The following NDEL1 variants were observed in gnomAD, a reference collection of about 807,000 sequenced individuals.
The protein encoded by NDEL1 is nuclear distribution protein nudE-like 1.
NDEL1 carries 9 observed loss-of-function variants against 45.7 expected under a neutral mutation model. The ratio of observed to expected loss-of-function variants is 0.20; its 90% CI spans 0.12 to 0.34. The LOEUF is 0.34. NDEL1 is among the 10% of genes least tolerant of loss of function. NDEL1 has a pLI of 1.00. For missense variants in NDEL1, 306 were observed against 406.2 expected (o/e 0.75, Z 2.12); for synonymous variants, 133 against 158.6 (o/e 0.84, Z 1.21).
chr17:8,442,740 T>TC (rs1182921244), intron 1 of NDEL1, among the ~76,000 whole-genome samples: 1 of 148,878 alleles, frequency 6.7e-6, no homozygotes, highest in African/African-American at 2.5e-5. Flanking sequence ...CTAGATAAAC[T>TC]CCAAGTTCTA....
upstream of NDEL1, chr17:8,435,872 G>C (rs974280032): frequency 1.6e-5 from 7 of 446,936 alleles, no homozygotes; most frequent in African/African-American, 8.3e-5. Context: ...GAATGGCCTC[G>C]GACACCCAGG....
chr17:8,421,449 A>G (rs1908704537), intron 1 of NDEL1, among the ~76,000 whole-genome samples: 1 of 152,178 alleles, frequency 6.6e-6, no homozygotes, highest in African/African-American at 2.4e-5. Context: ...CAATATGATG[A>G]TGGAAGCAGC....
In NDEL1 at chr17:8,444,367, G is replaced by C. The variant is rs763880491; in HGVS notation, c.86+10G>C. On this transcript the variant is annotated intron_variant, in intron 2 of 8. Coordinates refer to ENST00000334527, the MANE Select transcript of NDEL1 (RefSeq NM_030808.5). ...TGAAGTATAAGCAAAGGTAATGTTG[G>C]AAAGCACACTAAAAGTAGGGGAGGG... The C allele has an allele frequency of 6.3e-7, 1 of 1,592,758 alleles. No individual in the cohort carries two copies. Among genetic ancestry groups the C allele is most frequent in the African/African-American group, 1.3e-5 (1 of 74,360 alleles).
At chr17:8,436,792 C>T (rs1909376086) in intron 1 of NDEL1, 1 of 152,174 alleles carries the variant, frequency 6.6e-6, no homozygotes, top group Non-Finnish European at 1.5e-5. Context: ...AACCGCATCA[C>T]CTTGTGGTTG....
upstream of NDEL1, among the ~76,000 whole-genome samples, chr17:8,433,730 G>A (rs1175321310): frequency 6.6e-6 from 1 of 152,018 alleles, no homozygotes; most frequent in East Asian, 1.9e-4. Flanking sequence ...TGCCCAGGCT[G>A]GTCTCGAACT....
intron 1 of NDEL1, among the ~76,000 whole-genome samples, chr17:8,415,524 T>A (rs1028597255): frequency 6.6e-6 from 1 of 151,816 alleles, no homozygotes; most frequent in Non-Finnish European, 1.5e-5. Flanking sequence ...AGCCTCGACC[T>A]CCCTGGGCTC....
At chr17:8,466,882 T>C (rs1049555088) in intron 8 of NDEL1, 48 bp from the exon 9 acceptor site, 22 of 1,547,880 alleles carry the variant, frequency 1.4e-5, no homozygotes, top group Non-Finnish European at 2.0e-5. Context: ...TTTAAATGAG[T>C]TTTTCGTTTC....
upstream of NDEL1, chr17:8,435,773 C>T: frequency 2.7e-6 from 1 of 364,178 alleles, no homozygotes; most frequent in Admixed American, 3.3e-5. Context: ...GGCTCTGGCC[C>T]GCCCCCTGTG....
chr17:8,426,893 ATAGG>A (rs1309157781), intron 1 of NDEL1, among the ~76,000 whole-genome samples: 1 of 152,168 alleles, frequency 6.6e-6, no homozygotes, highest in Non-Finnish European at 1.5e-5. Flanking sequence ...CAGGACCTTC[ATAGG>A]AAGGCCTGTT....
intron 1 of NDEL1, among the ~76,000 whole-genome samples, chr17:8,437,384 A>C (rs960050674): frequency 6.6e-6 from 1 of 152,196 alleles, no homozygotes; most frequent in Admixed American, 6.5e-5. Flanking sequence ...GAAGTTGGAT[A>C]AAGAGCTTAA....
upstream of NDEL1, among the ~76,000 whole-genome samples, chr17:8,432,343 TA>T (rs369247834): frequency 2.5e-4 from 2 of 7,958 alleles, no homozygotes; most frequent in African/African-American, 2.8e-4. Flanking sequence ...ATATATTATA[TA>T]TAAATATAAA....
Position 8,422,093 on chromosome 17 carries a change from A to G in NDEL1, c.-13+8824A>G, listed in dbSNP as rs116851324. On this transcript the variant is annotated intron_variant, in intron 1 of 4. Coordinates refer to the NDEL1 transcript ENST00000582812. ...TCACACCAGTGTGGGAGCCCTGAGA[A>G]AAGGTGGTGCCTGCAATGGCTGGGG... is the stretch of plus-strand genomic sequence containing the variant. 4.3e-4 allele frequency among the ~76,000 whole-genome samples: 66 copies of G among 152,252 alleles called. No individual in the cohort carries two copies. The East Asian group carries it at 7.5e-3, about 17-fold the overall frequency.
chr17:8,445,792 A>T lies in NDEL1; in HGVS notation c.168A>T (p.Val56=), dbSNP rs2151717267. ...ELEAELEAQL[V]QAEQRNRDLQ... ...AAGCAGAGTTGGAGGCACAATTAGT[A>T]CAGGCTGAACAAAGAAATAGAGACT... Residue 56 remains valine (V), a synonymous_variant, in exon 3 of 9, where the codon GTA becomes GTT. Coordinates refer to ENST00000334527, the MANE Select transcript of NDEL1 (RefSeq NM_030808.5). 1.9e-6 allele frequency: 3 copies of T among 1,590,470 alleles called. No homozygotes were observed. The highest frequency in any genetic ancestry group is 3.3e-4 in the Middle Eastern group (2 of 6,020).
In NDEL1 at chr17:8,467,144, A is replaced by G; in HGVS notation, c.*121A>G. On this transcript the variant is annotated 3_prime_UTR_variant, in exon 9 of 9. Transcript: ENST00000334527. This position sits in a 1 kb window ranked among gnomAD's most constrained non-coding sequence, Gnocchi z 6.3. ...CCGTCTGCCTCCGCACGGCTGGCAG[A>G]GGGCAGGCTGCATGCAGTGGCGGCT... is the stretch of plus-strand genomic sequence containing the variant. The G allele has an allele frequency of 1.0e-6, 1 of 965,710 alleles. No individual in the cohort carries two copies. The highest frequency in any genetic ancestry group is 1.6e-6 in the Non-Finnish European group (1 of 634,494). 59.8% of individuals were successfully genotyped at this position (965,710 alleles called of 1,614,324 possible).
rs974348385 is a variant in NDEL1, at chr17:8,467,469, C to T, written c.*446C>T. ...AGCTCCCACCCAGGCATCTCCAGTG[C>T]TCATGATCATGTGTCCCCCAACTCC... On this transcript the variant is annotated 3_prime_UTR_variant, in exon 9 of 9. Coordinates refer to ENST00000334527, the MANE Select transcript of NDEL1 (RefSeq NM_030808.5). The surrounding 1 kb of genome is among the most constrained non-coding windows in gnomAD (Gnocchi z 6.3). 2.1e-5 allele frequency: 8 copies of T among 380,222 alleles called. No individual in the cohort carries two copies. Among genetic ancestry groups the T allele is most frequent in the African/African-American group, 1.2e-4 (6 of 48,368 alleles). The allele number at this position is 380,222 out of a possible 1,614,324, so 23.6% of individuals were successfully genotyped here.
At chr17:8,449,874 A>C (rs983265544) in intron 5 of NDEL1, among the ~76,000 whole-genome samples, 8 of 152,222 alleles carry the variant, frequency 5.3e-5, no homozygotes, top group Non-Finnish European at 1.0e-4. Context: ...TCCTGTTTTG[A>C]ATTCTTTTGG....
rs1189391208 is a variant in NDEL1, at chr17:8,465,452, T to G, written c.945-1478T>G. 1 of 152,236 alleles carries G rather than the reference T, an allele frequency of 6.6e-6. No individual in the cohort carries two copies. Among genetic ancestry groups the G allele is most frequent in the Non-Finnish European group, 1.5e-5 (1 of 68,048 alleles). 9.4% of individuals were successfully genotyped at this position (152,236 alleles called of 1,614,324 possible). A position where few individuals can be genotyped will look rare whatever the true frequency, so the allele number is the denominator to read the frequency against. ...TTTCTCCTGGGGCTCTTGGTCTCTG[T>G]ATGCGTGGTTGGAATTTAAACTCCA... On this transcript the variant is annotated intron_variant, in intron 8 of 8. Transcript: ENST00000334527. The surrounding 1 kb of genome is among the most constrained non-coding windows in gnomAD (Gnocchi z 4.9).
intron 6 of NDEL1, among the ~76,000 whole-genome samples, chr17:8,454,363 C>T (rs1034186735): frequency 6.6e-6 from 1 of 151,170 alleles, no homozygotes; most frequent in Admixed American, 6.6e-5. Flanking sequence ...AACTAAAAAA[C>T]GTGACTATCA....
At position 8,413,860 on chromosome 17, in the gene NDEL1, G is replaced by T. The variant is rs547809485; in HGVS notation, c.-13+591G>T. ...TATGATTGTATTCTTCAGGGTTTGG[G>T]GTTACTTTTATTTCATTTTGTAAAT... is the stretch of plus-strand genomic sequence containing the variant. On this transcript the variant is annotated intron_variant, in intron 1 of 4. Transcript: ENST00000582812. Among the ~76,000 whole-genome samples, 10 of 152,040 alleles carry T rather than the reference G, an allele frequency of 6.6e-5. No homozygotes were observed. In the South Asian group the frequency reaches 2.1e-3, roughly 32 times the overall value.
Sources: gnomAD v4.1 joint callset for allele counts (sites outside exome capture counted in the v4.1 genomes callset) on GRCh38, gnomAD v4.1.1 for gene constraint, Gnocchi (gnomAD v3.1) non-coding constraint, MANE v1.5 for transcripts, NCBI Gene and HGNC (gene_info 2026-07-23, HGNC 2026-07-21) for gene names.